Variants in SASH1 observed in about 807,000 individuals in gnomAD.
SASH1 encodes the protein SAM and SH3 domain containing 1.
A neutral mutation model predicts 125.2 loss-of-function variants in SASH1; 44 were observed. The observed-to-expected ratio is 0.35, with a 90% CI of 0.28 to 0.45. The LOEUF (loss-of-function observed/expected upper bound fraction) is 0.45, where lower values mean the gene tolerates loss of function less well. Among genes scored for constraint, SASH1 ranks in the 20% least tolerant of loss-of-function variants. The pLI, the probability that SASH1 is intolerant of heterozygous loss-of-function variation, is 1.00. For synonymous variants in SASH1, 639 were observed against 649.1 expected (o/e 0.98, Z 0.24); for missense variants, 1,426 against 1,614.5 (o/e 0.88, Z 2.00).
chr6:148,329,181 G>T (rs1780919300), intron 1 of SASH1, among the ~76,000 whole-genome samples: 1 of 152,134 alleles, frequency 6.6e-6, no homozygotes, highest in Non-Finnish European at 1.5e-5. Context: ...TCTGATTTTT[G>T]AGAACATTCA....
At chr6:148,542,005 T>C (rs1342819592) in intron 17 of SASH1, among the ~76,000 whole-genome samples, 1 of 152,216 alleles carries the variant, frequency 6.6e-6, no homozygotes, top group African/African-American at 2.4e-5. Flanking sequence ...TGAAGAATTT[T>C]TTTTTCTCTT....
intron 1 of SASH1, among the ~76,000 whole-genome samples, chr6:148,348,557 C>T (rs143225044): frequency 7.4e-4 from 112 of 152,110 alleles, no homozygotes; most frequent in Non-Finnish European, 1.2e-3. Flanking sequence ...CTGGATCTTG[C>T]GCATACATTT....
chr6:148,525,969 G>A (rs1031983841), intron 11 of SASH1, among the ~76,000 whole-genome samples: 1 of 151,066 alleles, frequency 6.6e-6, no homozygotes, highest in Non-Finnish European at 1.5e-5. Context: ...TCATAGTCTA[G>A]GGACAGGCCA....
chr6:148,242,496 T>A, the SASH1 span, among the ~76,000 whole-genome samples: 1 of 152,216 alleles, frequency 6.6e-6, no homozygotes, highest in Non-Finnish European at 1.5e-5. Context: ...ATTTCTAGTG[T>A]TCAATCTTTC....
At chr6:148,370,771 C>T (rs149569689) in intron 1 of SASH1, among the ~76,000 whole-genome samples, 3,525 of 151,234 alleles carry the variant, frequency 0.023, 136 homozygotes, top group African/African-American at 0.08. Flanking sequence ...TGCAGTGAGC[C>T]GAGATCACAC....
intron 1 of SASH1, among the ~76,000 whole-genome samples, chr6:148,383,914 A>AT (rs1322052953): frequency 6.6e-6 from 1 of 152,070 alleles, no homozygotes; most frequent in Non-Finnish European, 1.5e-5. Context: ...TTATCTCTGT[A>AT]TTTTTATGTT....
At chr6:148,360,347 G>GTTT (rs1191557477) in intron 1 of SASH1, among the ~76,000 whole-genome samples, 6 of 125,722 alleles carry the variant, frequency 4.8e-5, no homozygotes, top group Non-Finnish European at 5.2e-5. Context: ...TAATGCCTTT[G>GTTT]TTTTTTTTTT....
intron 1 of SASH1, among the ~76,000 whole-genome samples, chr6:148,347,070 C>T (rs537621243): frequency 2.0e-5 from 3 of 152,166 alleles, no homozygotes; most frequent in Admixed American, 6.5e-5. Context: ...TTTTTAAGAG[C>T]GGGAATTGCT....
At chr6:148,485,799 G>A (rs1778812954) in intron 7 of SASH1, among the ~76,000 whole-genome samples, 1 of 152,172 alleles carries the variant, frequency 6.6e-6, no homozygotes, top group Admixed American at 6.5e-5. Flanking sequence ...ACATCCTCAA[G>A]CTCCAGGGCT....
At chr6:148,314,555 C>T (rs934510025) in intron 1 of SASH1, among the ~76,000 whole-genome samples, 5 of 152,064 alleles carry the variant, frequency 3.3e-5, no homozygotes, top group African/African-American at 9.7e-5. Context: ...AAGACATTCA[C>T]GGTCATTTCC....
intron 16 of SASH1, among the ~76,000 whole-genome samples, chr6:148,539,536 T>A (rs1308164718): frequency 1.3e-5 from 2 of 152,194 alleles, no homozygotes; most frequent in African/African-American, 4.8e-5. Context: ...ACATTATTTC[T>A]TTCCTTTTCA....
chr6:148,411,362 C>T (rs989517249), intron 2 of SASH1, among the ~76,000 whole-genome samples: 4 of 151,960 alleles, frequency 2.6e-5, no homozygotes, highest in African/African-American at 7.2e-5. Flanking sequence ...AGTAAACATA[C>T]GCACATAACA....
chr6:148,469,793 C>T (rs777342650), intron 5 of SASH1, among the ~76,000 whole-genome samples: 2 of 151,622 alleles, frequency 1.3e-5, no homozygotes, highest in African/African-American at 2.4e-5. Flanking sequence ...TTTGGGAGGC[C>T]GAGGAGGGTG....
At chr6:148,300,322 G>A (rs1779904007) in intron 1 of SASH1, among the ~76,000 whole-genome samples, 1 of 152,018 alleles carries the variant, frequency 6.6e-6, no homozygotes, top group Admixed American at 6.6e-5. Flanking sequence ...TGTGCCCATC[G>A]GATGCTCTTT....
At chr6:148,381,597 A>C (rs1783134675) in intron 1 of SASH1, among the ~76,000 whole-genome samples, 1 of 140,748 alleles carries the variant, frequency 7.1e-6, no homozygotes, top group Admixed American at 7.4e-5. Context: ...AGCGAACTCC[A>C]TCAGTGCCTT....
chr6:148,456,667 C>G (rs1777367307), intron 4 of SASH1, among the ~76,000 whole-genome samples: 1 of 152,000 alleles, frequency 6.6e-6, no homozygotes, highest in Admixed American at 6.6e-5. Context: ...TCGAGACCAG[C>G]CTGGGCAACA....
the SASH1 span, among the ~76,000 whole-genome samples, chr6:148,265,741 C>G: frequency 6.6e-6 from 1 of 152,152 alleles, no homozygotes; most frequent in South Asian, 2.1e-4. Flanking sequence ...TGTGCCCAAG[C>G]CTTCTGATGC....
intron 12 of SASH1, among the ~76,000 whole-genome samples, chr6:148,531,040 A>T (rs1562488462): frequency 6.6e-6 from 1 of 152,224 alleles, no homozygotes; most frequent in Non-Finnish European, 1.5e-5. Flanking sequence ...TAATTTGTAC[A>T]AATAGAAATA....
chr6:148,384,562 G>A (rs1242245565), intron 1 of SASH1, among the ~76,000 whole-genome samples: 1 of 152,092 alleles, frequency 6.6e-6, no homozygotes, highest in Non-Finnish European at 1.5e-5. Context: ...GGCAGCATGC[G>A]ATCCTATGGA....
Sources: allele counts gnomAD v4.1 joint callset (sites outside exome capture counted in the v4.1 genomes callset), GRCh38; gene constraint gnomAD v4.1.1; transcripts MANE v1.5; gene names NCBI Gene and HGNC (gene_info 2026-07-23, HGNC 2026-07-21).